Variants in MAN1A1 observed in about 807,000 individuals in gnomAD.
MAN1A1 encodes mannosidase alpha class 1A member 1.
A neutral mutation model predicts 70.8 loss-of-function variants in MAN1A1; 29 were observed. That is an observed-to-expected ratio of 0.41 (90% CI 0.31 to 0.56). The LOEUF (loss-of-function observed/expected upper bound fraction) is 0.56, where lower values mean the gene tolerates loss of function less well. Ranked by LOEUF, MAN1A1 falls within the 20% of genes least tolerant of loss-of-function variation. MAN1A1 has a pLI of 0.29. For synonymous variants in MAN1A1, 349 were observed against 330.1 expected, an observed-to-expected ratio of 1.06 and a Z score of -0.62; for missense variants, 747 against 841.3, an observed-to-expected ratio of 0.89 and a Z score of 1.39.
intron 2 of MAN1A1, among the ~76,000 whole-genome samples, chr6:119,308,816 A>C (rs914637594): frequency 1.3e-5 from 2 of 152,196 alleles, no homozygotes; most frequent in African/African-American, 4.8e-5. Flanking sequence ...AAGATACTTT[A>C]TAAATTCAAA....
intron 2 of MAN1A1, among the ~76,000 whole-genome samples, chr6:119,324,867 G>T (rs1314471407): frequency 1.3e-5 from 2 of 152,212 alleles, no homozygotes; most frequent in African/African-American, 2.4e-5. Flanking sequence ...GCCTGTGTTT[G>T]GGGGGTTGGG....
chr6:119,247,720 G>A (rs999219778), intron 6 of MAN1A1, among the ~76,000 whole-genome samples: 4 of 152,112 alleles, frequency 2.6e-5, no homozygotes, highest in Non-Finnish European at 5.9e-5. Context: ...AGGATGAGAA[G>A]GTTGGATTGA....
At chr6:119,349,828 G>A (rs970549238), upstream of MAN1A1, 32 of 894,178 alleles carry the variant, frequency 3.6e-5, 1 homozygote, top group Middle Eastern at 2.3e-3. Flanking sequence ...GTGACGGCGC[G>A]GCCGGGCCAA....
At chr6:119,254,849 T>C (rs981762458) in intron 5 of MAN1A1, among the ~76,000 whole-genome samples, 1 of 152,204 alleles carries the variant, frequency 6.6e-6, no homozygotes, top group Non-Finnish European at 1.5e-5. Context: ...CTTTCGAGCA[T>C]GTAACTAACA....
At chr6:119,299,000 A>G in intron 4 of MAN1A1, among the ~76,000 whole-genome samples, 1 of 151,852 alleles carries the variant, frequency 6.6e-6, no homozygotes. Flanking sequence ...ATGATACTAC[A>G]TGTTATTTAG....
chr6:119,231,601 G>A (rs1774678588), intron 6 of MAN1A1, among the ~76,000 whole-genome samples: 1 of 152,144 alleles, frequency 6.6e-6, no homozygotes, highest in African/African-American at 2.4e-5. Flanking sequence ...TGAGGAGTCA[G>A]GACAAGGTGG....
At chr6:119,291,021 C>T (rs111808987) in intron 4 of MAN1A1, among the ~76,000 whole-genome samples, 3 of 151,852 alleles carry the variant, frequency 2.0e-5, no homozygotes, top group African/African-American at 7.2e-5. Context: ...AAGGAAAAAA[C>T]ATACTTAAAA....
intron 2 of MAN1A1, among the ~76,000 whole-genome samples, chr6:119,325,609 A>G (rs1296799914): frequency 1.3e-5 from 2 of 152,104 alleles, no homozygotes; most frequent in African/African-American, 2.4e-5. Context: ...GTGAGTTGAG[A>G]TTGCACCACT....
chr6:119,251,797 T>A (rs371621183), intron 5 of MAN1A1, among the ~76,000 whole-genome samples: 12 of 152,364 alleles, frequency 7.9e-5, no homozygotes, highest in African/African-American at 2.9e-4. Flanking sequence ...AGGGCTCCTA[T>A]GAGTAGTAGG....
At chr6:119,345,935 G>A (rs1428478774) in intron 2 of MAN1A1, among the ~76,000 whole-genome samples, 4 of 152,042 alleles carry the variant, frequency 2.6e-5, no homozygotes, top group Non-Finnish European at 4.4e-5. Flanking sequence ...GTGAAACCCC[G>A]TCTCTACTAA....
intron 2 of MAN1A1, 50 bp from the exon 3 acceptor site, chr6:119,307,042 G>T (rs780575251): frequency 3.2e-6 from 4 of 1,261,648 alleles, no homozygotes; most frequent in South Asian, 1.2e-5. Context: ...AGATGTTTTT[G>T]CTACAAAATA....
chr6:119,303,166 G>A (rs1438996936), intron 3 of MAN1A1, among the ~76,000 whole-genome samples: 3 of 151,968 alleles, frequency 2.0e-5, no homozygotes, highest in Admixed American at 2.0e-4. Context: ...TTATACGTGT[G>A]TGCCACCATG....
chr6:119,350,394 T>C (rs1773880136), upstream of MAN1A1: 5 of 291,562 alleles, frequency 1.7e-5, no homozygotes, highest in Middle Eastern at 1.7e-3. Flanking sequence ...AACATCCTTT[T>C]ACATCCTAAG....
intron 4 of MAN1A1, among the ~76,000 whole-genome samples, chr6:119,297,780 C>T (rs1473803667): frequency 7.9e-6 from 1 of 126,176 alleles, no homozygotes; most frequent in Admixed American, 8.7e-5. Flanking sequence ...CGCTCTGTCG[C>T]CCAGGCTGGA....
At chr6:119,245,583 A>C (rs904614155) in intron 6 of MAN1A1, among the ~76,000 whole-genome samples, 3 of 152,176 alleles carry the variant, frequency 2.0e-5, no homozygotes, top group Non-Finnish European at 4.4e-5. Flanking sequence ...AGGCAAAGGA[A>C]CAGGGGGAAT....
intron 4 of MAN1A1, among the ~76,000 whole-genome samples, chr6:119,301,291 C>T (rs1415198771): frequency 6.6e-6 from 1 of 152,116 alleles, no homozygotes; most frequent in Non-Finnish European, 1.5e-5. Context: ...TAAAGTAAAA[C>T]AATGACTATC....
intron 5 of MAN1A1, among the ~76,000 whole-genome samples, chr6:119,271,199 C>T (rs1157245316): frequency 6.6e-6 from 1 of 152,104 alleles, no homozygotes; most frequent in Admixed American, 6.5e-5. Flanking sequence ...GGAAATTTAT[C>T]CCACTATACC....
At chr6:119,274,656 T>C in intron 5 of MAN1A1, among the ~76,000 whole-genome samples, 1 of 151,800 alleles carries the variant, frequency 6.6e-6, no homozygotes, top group East Asian at 1.9e-4. Flanking sequence ...AAAGGCTGAA[T>C]GTATACCTTA....
chr6:119,256,333 T>C (rs1425301995), intron 5 of MAN1A1, among the ~76,000 whole-genome samples: 2 of 152,130 alleles, frequency 1.3e-5, no homozygotes, highest in African/African-American at 2.4e-5. Context: ...TAAGAGGTAG[T>C]GAAGAGAAGT....
Sources: allele counts gnomAD v4.1 joint callset (sites outside exome capture counted in the v4.1 genomes callset), GRCh38; gene constraint gnomAD v4.1.1; transcripts MANE v1.5; gene names NCBI Gene and HGNC (gene_info 2026-07-23, HGNC 2026-07-21).